Variants in LIN54 observed in about 807,000 individuals in gnomAD.
LIN54 encodes the protein protein lin-54 homolog.
Under a neutral mutation model 78.7 loss-of-function variants are expected in LIN54, and 9 were observed. The observed-to-expected ratio is 0.11, with a 90% CI of 0.07 to 0.20. The LOEUF (loss-of-function observed/expected upper bound fraction) is 0.20, where lower values mean the gene tolerates loss of function less well. LIN54 is among the 10% of genes least tolerant of loss of function. The pLI, the probability that LIN54 is intolerant of heterozygous loss-of-function variation, is 1.00. For synonymous variants in LIN54, 269 were observed against 318.4 expected, an observed-to-expected ratio of 0.84 and a Z score of 1.65; for missense variants, 573 against 889.9, an observed-to-expected ratio of 0.64 and a Z score of 4.53.
chr4:82,983,967 TAA>T (rs1726900788), intron 2 of LIN54, among the ~76,000 whole-genome samples, 192 bp downstream of exon 2: 1 of 152,218 alleles, frequency 6.6e-6, no homozygotes, highest in African/African-American at 2.4e-5. Flanking sequence ...GTTTGCTTTC[TAA>T]GTTATCTGGT....
chr4:82,960,644 G>A (rs1336445323), intron 4 of LIN54, among the ~76,000 whole-genome samples: 1 of 152,064 alleles, frequency 6.6e-6, no homozygotes, highest in Non-Finnish European at 1.5e-5. Context: ...ATGTTCCCAG[G>A]CTGGTCTCAA....
intron 2 of LIN54, among the ~76,000 whole-genome samples, chr4:82,983,458 A>G (rs1726861379): frequency 6.6e-6 from 1 of 152,172 alleles, no homozygotes; most frequent in Non-Finnish European, 1.5e-5. Context: ...AAACATCCTC[A>G]ATATTTTGAG....
At chr4:83,005,276 G>A (rs1029782035) in intron 1 of LIN54, among the ~76,000 whole-genome samples, 1 of 150,522 alleles carries the variant, frequency 6.6e-6, no homozygotes, top group Non-Finnish European at 1.5e-5. Flanking sequence ...AATAAGTTAG[G>A]ACAATACTGG....
chr4:82,947,982 C>T (rs1578519817), intron 4 of LIN54, among the ~76,000 whole-genome samples: 1 of 152,104 alleles, frequency 6.6e-6, no homozygotes, highest in Admixed American at 6.6e-5. Context: ...AAAGACATTA[C>T]TTCCGCATAA....
intron 9 of LIN54, 128 bp from the exon 10 acceptor site, chr4:82,936,509 C>A: frequency 1.9e-6 from 1 of 537,540 alleles, no homozygotes. Flanking sequence ...GAAATCTACT[C>A]AGCTACCCAG....
chr4:82,953,484 T>A (rs1578531973), intron 4 of LIN54, among the ~76,000 whole-genome samples: 1 of 152,142 alleles, frequency 6.6e-6, no homozygotes, highest in African/African-American at 2.4e-5. Flanking sequence ...AAAAAATAGC[T>A]GGGTACAGTG....
chr4:83,003,606 A>C (rs554590979), intron 1 of LIN54: 1 of 152,298 alleles, frequency 6.6e-6, no homozygotes, highest in East Asian at 1.9e-4. Context: ...GGCTCACAGC[A>C]ACCTCCACCT....
intron 2 of LIN54, among the ~76,000 whole-genome samples, chr4:82,980,266 C>A (rs1229901054): frequency 6.6e-6 from 1 of 151,926 alleles, no homozygotes; most frequent in African/African-American, 2.4e-5. Flanking sequence ...GGATAAAAAT[C>A]AAAGAATTTT....
rs370259790 is a variant in LIN54 at position 82,946,240 on chromosome 4, T to G, written c.1168+18A>C. ...TGTTAAAAGCATGAATTACTGTTTT[T>G]AAAAAATGGTTACTAACCTTGCTGA... On this transcript the variant is annotated intron_variant, in intron 5 of 12. Coordinates refer to ENST00000340417, the MANE Select transcript of LIN54 (RefSeq NM_194282.4). 6.3e-7 allele frequency: 1 copy of G among 1,587,918 alleles called. No individual in the cohort carries two copies. The highest frequency in any genetic ancestry group is 8.6e-7 in the Non-Finnish European group (1 of 1,156,224).
chr4:83,010,966 T>C (rs1933559957), upstream of LIN54: 1 of 644,704 alleles, frequency 1.6e-6, no homozygotes, highest in Non-Finnish European at 2.1e-6. Flanking sequence ...CGCCGAGACC[T>C]TTCACCCCCG....
intron 3 of LIN54, among the ~76,000 whole-genome samples, chr4:82,974,073 G>A (rs13127052): frequency 0.19 from 28,139 of 151,824 alleles, 2,731 homozygotes; most frequent in South Asian, 0.31. Flanking sequence ...AGCTGGGTGT[G>A]GTGGCAGGCA....
At position 83,010,167 on chromosome 4, in the gene LIN54, CG is replaced by C; in HGVS notation, c.-33+316del. Among the ~76,000 whole-genome samples the C allele has an allele frequency of 2.0e-5, 3 of 152,240 alleles. No individual in the cohort carries two copies. In the South Asian group the frequency reaches 6.2e-4, roughly 32 times the overall value. On this transcript the variant is annotated intron_variant, in intron 1 of 12. Transcript: ENST00000340417. ...CCAATGCTCTGCCTCCCTAAAGAAA[CG>C]TACAACCCCAAGAACTGCTGAACAC...
At chr4:82,977,459 A>G (rs549961130) in intron 3 of LIN54, among the ~76,000 whole-genome samples, 1 of 152,318 alleles carries the variant, frequency 6.6e-6, no homozygotes, top group African/African-American at 2.4e-5. Flanking sequence ...CACCAAGAGA[A>G]AGAGAATAGT....
intron 4 of LIN54, among the ~76,000 whole-genome samples, chr4:82,961,196 C>T (rs956682857): frequency 1.3e-5 from 2 of 152,012 alleles, no homozygotes; most frequent in African/African-American, 4.8e-5. Context: ...CTTTGAAGTA[C>T]ATTTTAACAA....
At chr4:82,996,498 C>T (rs377337103) in intron 1 of LIN54, among the ~76,000 whole-genome samples, 6 of 152,096 alleles carry the variant, frequency 3.9e-5, no homozygotes, top group South Asian at 2.1e-4. Context: ...CTCTGCCTCC[C>T]GGGTTCAAGA....
rs1578467422 is a variant in LIN54, at chr4:82,926,282, C to T, written c.*1820G>A. 1.3e-5 allele frequency: 2 copies of T among 152,482 alleles called. No homozygotes were observed. Among genetic ancestry groups the T allele is most frequent in the South Asian group, 4.1e-4 (2 of 4,826 alleles). 9.4% of individuals were successfully genotyped at this position (152,482 alleles called of 1,614,324 possible). A position where few individuals can be genotyped will look rare whatever the true frequency, so the allele number is the denominator to read the frequency against. ...AATAACTTGATTATTATTTTACCCT[C>T]TTACACTAATTTACATTTATACAAA... On this transcript the variant is annotated 3_prime_UTR_variant, in exon 13 of 13. Transcript: ENST00000340417.
chr4:82,998,630 GAGAAAGAAAA>G (rs919079544), intron 1 of LIN54, among the ~76,000 whole-genome samples: 6 of 151,840 alleles, frequency 4.0e-5, no homozygotes, highest in East Asian at 1.9e-4. Context: ...GAAAGAAACA[GAGAAAGAAAA>G]AGAAAGAGAA....
At chr4:82,998,847 T>C (rs1185670869) in intron 1 of LIN54, among the ~76,000 whole-genome samples, 1 of 152,008 alleles carries the variant, frequency 6.6e-6, no homozygotes, top group Non-Finnish European at 1.5e-5. Context: ...ATGAAACATA[T>C]GTAAACATTG....
In LIN54 at chr4:83,010,560, C is replaced by A. The variant is rs1190819302; in HGVS notation, c.-109G>T. ...GAAGGTCCTGGGCAATCCCGAGCCC[C>A]GGCGGGGCTTGTTTTGCCCGTGCAC... On this transcript the variant is annotated 5_prime_UTR_variant, in exon 1 of 13. Coordinates refer to ENST00000340417, the MANE Select transcript of LIN54 (RefSeq NM_194282.4). 15 of 1,214,128 alleles carry A rather than the reference C, an allele frequency of 1.2e-5. No homozygotes were observed. Among genetic ancestry groups the A allele is most frequent in the Admixed American group, 4.3e-5 (1 of 23,124 alleles). 75.2% of individuals were successfully genotyped at this position (1,214,128 alleles called of 1,614,324 possible).
Sources: gnomAD v4.1 joint callset for allele counts (sites outside exome capture counted in the v4.1 genomes callset) on GRCh38, gnomAD v4.1.1 for gene constraint, MANE v1.5 for transcripts, NCBI Gene and HGNC (gene_info 2026-07-23, HGNC 2026-07-21) for gene names.